The following CELF4 variants were observed in gnomAD, a reference collection of about 807,000 sequenced individuals.
CELF4 encodes CUGBP Elav-like family member 4, also known as CUG-BP- and ETR-3-like factor 4.
CELF4 carries 18 observed loss-of-function variants against 59.9 expected under a neutral mutation model. That is an observed-to-expected ratio of 0.30 (90% CI 0.21 to 0.45). CELF4 has a LOEUF of 0.45. Among genes scored for constraint, CELF4 ranks in the 20% least tolerant of loss-of-function variants. The pLI is 1.00. For missense variants in CELF4, 456 were observed against 689.0 expected (o/e 0.66, Z 3.79); for synonymous variants, 261 against 267.1 (o/e 0.98, Z 0.22).
chr18:37,403,599 G>A (rs1463241493), intron 2 of CELF4, among the ~76,000 whole-genome samples: 1 of 152,186 alleles, frequency 6.6e-6, no homozygotes, highest in Non-Finnish European at 1.5e-5. Context: ...CCGGGTTGCT[G>A]TGCGGCCTGG....
chr18:37,348,533 T>C (rs1344297864), intron 2 of CELF4, among the ~76,000 whole-genome samples: 1 of 152,140 alleles, frequency 6.6e-6, no homozygotes, highest in Non-Finnish European at 1.5e-5. Flanking sequence ...AAGTGGGATC[T>C]TCCATTTTCT....
chr18:37,304,284 T>TGCATGA (rs2096261386), intron 3 of CELF4, among the ~76,000 whole-genome samples: 1 of 152,204 alleles, frequency 6.6e-6, no homozygotes, highest in African/African-American at 2.4e-5. Context: ...CATGAGCACC[T>TGCATGA]GCTATTAATC....
chr18:37,264,797 C>G (rs1176795365), intron 9 of CELF4, 40 bp from the exon 10 acceptor site: 20 of 1,489,592 alleles, frequency 1.3e-5, no homozygotes, highest in Non-Finnish European at 1.6e-5. Context: ...GGCGACAAGG[C>G]AGAGAGTGGA....
rs546533634 is a variant in CELF4 at position 37,244,883 on chromosome 18, T to C, written c.*359A>G. The C allele has an allele frequency of 6.5e-6, 1 of 152,748 alleles. No individual in the cohort carries two copies. Among genetic ancestry groups the C allele is most frequent in the East Asian group, 1.9e-4 (1 of 5,176 alleles). 9.5% of individuals were successfully genotyped at this position (152,748 alleles called of 1,614,324 possible). A position where few individuals can be genotyped will look rare whatever the true frequency, so the allele number is the denominator to read the frequency against. On this transcript the variant is annotated 3_prime_UTR_variant, in exon 13 of 13. Transcript: ENST00000420428. Reference sequence around the variant, plus strand: ...CCCGGGATCGGTAAGCAGCGTCTCCTCCCAGCTCCCAGCCCTTCAGCCTCC... The same window carrying C: ...CCCGGGATCGGTAAGCAGCGTCTCCCCCCAGCTCCCAGCCCTTCAGCCTCC...
intron 1 of CELF4, among the ~76,000 whole-genome samples, chr18:37,511,838 G>T (rs776132406): frequency 4.6e-5 from 7 of 151,822 alleles, no homozygotes; most frequent in Non-Finnish European, 7.4e-5. Context: ...TTGACAAATG[G>T]TTTCTCTCCT....
chr18:37,370,023 C>A (rs1049587130), intron 2 of CELF4, among the ~76,000 whole-genome samples: 1 of 152,244 alleles, frequency 6.6e-6, no homozygotes, highest in Non-Finnish European at 1.5e-5. Flanking sequence ...CTCCTCAGAG[C>A]CCAGCCTAGT....
chr18:37,538,837 C>T (rs950099995), intron 1 of CELF4, among the ~76,000 whole-genome samples: 1 of 152,196 alleles, frequency 6.6e-6, no homozygotes, highest in Non-Finnish European at 1.5e-5. Context: ...ACTGGAAGAT[C>T]CAGGCTGTAA....
chr18:37,439,465 G>C (rs918807744), intron 2 of CELF4, among the ~76,000 whole-genome samples: 1 of 152,114 alleles, frequency 6.6e-6, no homozygotes, highest in African/African-American at 2.4e-5. Flanking sequence ...AGCTCATGAG[G>C]GTTGTGCCAC....
chr18:37,555,337 C>T (rs1013835309), intron 1 of CELF4, among the ~76,000 whole-genome samples: 6 of 152,190 alleles, frequency 3.9e-5, no homozygotes, highest in South Asian at 2.1e-4. Context: ...GTACACCTCT[C>T]CTCCACCCCA....
chr18:37,508,593 C>G (rs1016590129), intron 1 of CELF4, among the ~76,000 whole-genome samples: 7 of 152,238 alleles, frequency 4.6e-5, no homozygotes, highest in African/African-American at 1.7e-4. Flanking sequence ...TGCCTGTTCT[C>G]CACGCTGACA....
intron 2 of CELF4, among the ~76,000 whole-genome samples, chr18:37,393,505 G>C (rs2099192667): frequency 6.6e-6 from 1 of 152,232 alleles, no homozygotes; most frequent in African/African-American, 2.4e-5. Context: ...GGTGGGCAAA[G>C]CTGGGTTTGG....
intron 2 of CELF4, among the ~76,000 whole-genome samples, chr18:37,371,180 T>C (rs1182336935): frequency 6.6e-6 from 1 of 152,232 alleles, no homozygotes; most frequent in Non-Finnish European, 1.5e-5. Flanking sequence ...TTGCACTGTT[T>C]TTCTGCCATC....
chr18:37,477,238 G>A (rs2099852504), intron 2 of CELF4, among the ~76,000 whole-genome samples: 1 of 152,230 alleles, frequency 6.6e-6, no homozygotes, highest in African/African-American at 2.4e-5. Context: ...GAGCAGCCTG[G>A]GCCCCAAGGG....
At chr18:37,366,026 G>T (rs1603628917) in intron 2 of CELF4, among the ~76,000 whole-genome samples, 2 of 152,300 alleles carry the variant, frequency 1.3e-5, no homozygotes, top group Middle Eastern at 6.8e-3. Context: ...GTCAGCCTAA[G>T]GAAGAACTTT....
chr18:37,281,546 G>A (rs1223231102), intron 3 of CELF4, among the ~76,000 whole-genome samples: 1 of 152,200 alleles, frequency 6.6e-6, no homozygotes, highest in East Asian at 1.9e-4. Flanking sequence ...GGAGTACATG[G>A]CTTTGAGGTC....
intron 2 of CELF4, among the ~76,000 whole-genome samples, chr18:37,353,267 T>C (rs576489266): frequency 4.1e-4 from 60 of 148,004 alleles, no homozygotes; most frequent in African/African-American, 1.4e-3. Context: ...AGACCCTTTC[T>C]TGGGGGGCTT....
intron 1 of CELF4, among the ~76,000 whole-genome samples, chr18:37,515,277 C>G (rs2099949394): frequency 6.6e-6 from 1 of 152,132 alleles, no homozygotes; most frequent in Non-Finnish European, 1.5e-5. Context: ...TTTCCTTATT[C>G]CCTTTTCTGT....
intron 1 of CELF4, among the ~76,000 whole-genome samples, chr18:37,535,154 A>G (rs1381221108): frequency 6.6e-6 from 1 of 152,164 alleles, no homozygotes; most frequent in East Asian, 1.9e-4. Context: ...ATAGAACACC[A>G]TGCTGGAAAT....
At chr18:37,518,165 G>A (rs138158981) in intron 1 of CELF4, among the ~76,000 whole-genome samples, 13 of 152,286 alleles carry the variant, frequency 8.5e-5, no homozygotes, top group Non-Finnish European at 1.9e-4. Context: ...GCCCCCAGGG[G>A]ACACCCCTTG....
Sources: gnomAD v4.1 joint callset for allele counts (sites outside exome capture counted in the v4.1 genomes callset) on GRCh38, gnomAD v4.1.1 for gene constraint, MANE v1.5 for transcripts, NCBI Gene and HGNC (gene_info 2026-07-23, HGNC 2026-07-21) for gene names.